Variants in SUPT6H observed in about 807,000 individuals in gnomAD.
The protein encoded by SUPT6H is transcription elongation factor SPT6.
In SUPT6H, 11 loss-of-function variants were observed where a neutral mutation model predicts 222.3. The observed-to-expected ratio is 0.05, with a 90% CI of 0.03 to 0.08. SUPT6H has a LOEUF of 0.08. SUPT6H is among the 10% of genes least tolerant of loss of function. SUPT6H has a pLI of 1.00. For synonymous variants in SUPT6H, 762 were observed against 801.2 expected (o/e 0.95, Z 0.83); for missense variants, 1,422 against 2,216.0 (o/e 0.64, Z 7.19).
At chr17:28,665,041 C>G (rs747314855) in intron 1 of SUPT6H, among the ~76,000 whole-genome samples, 8 of 152,210 alleles carry the variant, frequency 5.3e-5, no homozygotes, top group Non-Finnish European at 1.2e-4. Flanking sequence ...AGATCTTCCT[C>G]CAGTTCATTT....
Position 28,684,898 on chromosome 17 carries a change from C to G in SUPT6H, c.2424C>G (p.Phe808Leu). 1 of 1,614,188 alleles carries G rather than the reference C, an allele frequency of 6.2e-7. No individual in the cohort carries two copies. The highest frequency in any genetic ancestry group is 1.3e-5 in the African/African-American group (1 of 75,054). The change falls in exon 19 of 37, where the codon TTC becomes TTG. Residue 808 changes from phenylalanine to leucine, a missense_variant. Physicochemically the swap from Phe to Leu is conservative, Grantham distance 22 (BLOSUM62 0). Around this residue, in one of 13 missense-constraint regions of SUPT6H, gnomAD observed 294 missense variants for 382.1 expected, o/e 0.77. Transcript: ENST00000314616. ...LVNGEGEVTD[F>L]LRLPHFTKRR... ...ATGGTGAAGGAGAAGTGACAGACTT[C>G]CTTCGACTGCCCCATTTTACCAAAC...
At chr17:28,671,332 G>T (rs1436108109) in intron 1 of SUPT6H, 2 of 152,202 alleles carry the variant, frequency 1.3e-5, no homozygotes, top group East Asian at 1.9e-4. Flanking sequence ...TAGCTTTTCT[G>T]GTGCAGAATC....
chr17:28,680,643 GTTTTGTTTTTGT>G (rs951422971), intron 11 of SUPT6H, among the ~76,000 whole-genome samples: 3 of 151,880 alleles, frequency 2.0e-5, no homozygotes, highest in Non-Finnish European at 2.9e-5. Flanking sequence ...ATGTGTCTTG[GTTTTGTTTTTGT>G]TTTTGTTTTT....
intron 36 of SUPT6H, 102 bp from the exon 37 acceptor site, chr17:28,701,337 T>A (rs953129780): frequency 2.7e-6 from 4 of 1,468,812 alleles, no homozygotes; most frequent in Non-Finnish European, 3.7e-6. Context: ...GTAGAGGGGC[T>A]GCTGCCCATA....
rs1249150567 is a variant in SUPT6H at position 28,701,943 on chromosome 17, A to G, written c.*318A>G. On this transcript the variant is annotated 3_prime_UTR_variant, in exon 37 of 37. Coordinates refer to ENST00000314616, the MANE Select transcript of SUPT6H (RefSeq NM_003170.5). ...TTTTGTATTCTACTCCCTACAAGCC[A>G]TTTTGAACTTCTGCCCTCACCGGAC... is the stretch of plus-strand genomic sequence containing the variant. The G allele has an allele frequency of 3.3e-6, 1 of 299,752 alleles. No individual in the cohort carries two copies. Among genetic ancestry groups the G allele is most frequent in the Non-Finnish European group, 6.3e-6 (1 of 159,650 alleles). 18.6% of individuals were successfully genotyped at this position (299,752 alleles called of 1,614,324 possible). A position where few individuals can be genotyped will look rare whatever the true frequency, so the allele number is the denominator to read the frequency against.
Position 28,700,815 on chromosome 17 carries a change from A to G in SUPT6H, c.4807-126A>G, listed in dbSNP as rs1211200078. On this transcript the variant is annotated intron_variant, in intron 35 of 36. Coordinates refer to ENST00000314616, the MANE Select transcript of SUPT6H (RefSeq NM_003170.5). Reference sequence around the variant, plus strand: ...TGCAGGCTTCCCACTGCTGGTCAGAAGCACATACTCAGTGGAAGATCATCT... The same window carrying G: ...TGCAGGCTTCCCACTGCTGGTCAGAGGCACATACTCAGTGGAAGATCATCT... The G allele has an allele frequency of 1.2e-5, 14 of 1,212,700 alleles. No homozygotes were observed. The East Asian group carries it at 3.3e-4, about 29-fold the overall frequency. 75.1% of individuals were successfully genotyped at this position (1,212,700 alleles called of 1,614,324 possible).
chr17:28,690,327 G>A (rs2031582431), intron 26 of SUPT6H, 98 bp downstream of exon 26: 5 of 1,460,756 alleles, frequency 3.4e-6, no homozygotes, highest in Admixed American at 4.0e-5. Flanking sequence ...GCAGGTTTGT[G>A]TTGTACATGG....
In SUPT6H at chr17:28,686,335, C is replaced by T. The variant is rs1567697579; in HGVS notation, c.2488-4C>T. Reference sequence around the variant, plus strand: ...CATTCAGCTTCAATTTTCTTTCAATCCAGGCTCAAGACATTGAAACGCTAA... The same window carrying T: ...CATTCAGCTTCAATTTTCTTTCAATTCAGGCTCAAGACATTGAAACGCTAA... On this transcript the variant is annotated splice_polypyrimidine_tract_variant and splice_region_variant and intron_variant, in intron 19 of 36. Coordinates refer to ENST00000314616, the MANE Select transcript of SUPT6H (RefSeq NM_003170.5). 5 of 1,613,898 alleles carry T rather than the reference C, an allele frequency of 3.1e-6. No individual in the cohort carries two copies. The highest frequency in any genetic ancestry group is 4.2e-6 in the Non-Finnish European group (5 of 1,179,836).
Position 28,684,666 on chromosome 17 carries a change from T to C in SUPT6H, c.2310T>C (p.Phe770=), listed in dbSNP as rs772382616. The C allele has an allele frequency of 3.7e-6, 6 of 1,614,198 alleles. No individual in the cohort carries two copies. The South Asian group carries it at 4.4e-5, about 12-fold the overall frequency. ...AGCAGGTGGAAGAAGATGACGACTT[T>C]ATGGACGAGAACCAAGGGAAGGGCA... ...PDQQVEEDDD[F]MDENQGKGIR... is the part of the protein sequence containing the mutation. Residue 770 remains phenylalanine (F), a synonymous_variant, in exon 18 of 37, where the codon TTT becomes TTC. Transcript: ENST00000314616.
intron 27 of SUPT6H, among the ~76,000 whole-genome samples, chr17:28,692,018 C>T (rs2031677888): frequency 6.6e-6 from 1 of 151,536 alleles, no homozygotes. Context: ...ACCCCATCTC[C>T]TTTTTTAAAA....
chr17:28,677,004 G>A (rs1184552335), intron 7 of SUPT6H, among the ~76,000 whole-genome samples: 1 of 151,772 alleles, frequency 6.6e-6, no homozygotes, highest in Non-Finnish European at 1.5e-5. Context: ...CAAGGTGGGT[G>A]GATCACCTGA....
At position 28,688,493 on chromosome 17, in the gene SUPT6H, A is replaced by T. The variant is rs1308451989; in HGVS notation, c.3134+275A>T. 1 of 251,806 alleles carries T rather than the reference A, an allele frequency of 4.0e-6. No homozygotes were observed. The highest frequency in any genetic ancestry group is 7.4e-6 in the Non-Finnish European group (1 of 134,334). The allele number at this position is 251,806 out of a possible 1,614,324, so 15.6% of individuals were successfully genotyped here. A position where few individuals can be genotyped will look rare whatever the true frequency, so the allele number is the denominator to read the frequency against. ...ACACAAGATTTTGTTCAGTAAACAC[A>T]AACTTGCTTTTTTATTATTATGGTT... On this transcript the variant is annotated intron_variant, in intron 24 of 36. Coordinates refer to ENST00000314616, the MANE Select transcript of SUPT6H (RefSeq NM_003170.5). This position sits in a 1 kb window ranked among gnomAD's most constrained non-coding sequence, Gnocchi z 4.3.
In SUPT6H at chr17:28,684,745, TC is replaced by T. The variant is rs1173298007; in HGVS notation, c.2369+24del. 6.2e-7 allele frequency: 1 copy of T among 1,613,480 alleles called. No homozygotes were observed. Among genetic ancestry groups the T allele is most frequent in the Admixed American group, 1.7e-5 (1 of 59,998 alleles). ...TGCCAGGTAACAGCCTATTTTTGCCTCCCCAGCACCATCTCTTGTCTTCCTA... is the reference window on the plus strand; with the variant it reads ...TGCCAGGTAACAGCCTATTTTTGCCTCCCAGCACCATCTCTTGTCTTCCTA... On this transcript the variant is annotated intron_variant, in intron 18 of 36. Coordinates refer to ENST00000314616, the MANE Select transcript of SUPT6H (RefSeq NM_003170.5).
At chr17:28,675,220 C>A in intron 5 of SUPT6H, 58 bp downstream of exon 5, 1 of 1,549,066 alleles carries the variant, frequency 6.5e-7, no homozygotes, top group Non-Finnish European at 8.7e-7. Flanking sequence ...TTTCCTGGCC[C>A]ATGGGAACAG....
At position 28,688,162 on chromosome 17, in the gene SUPT6H, A is replaced by C. The variant is rs1298731811; in HGVS notation, c.3078A>C (p.Lys1026Asn). 6.2e-7 allele frequency: 1 copy of C among 1,613,974 alleles called. No individual in the cohort carries two copies. The highest frequency in any genetic ancestry group is 1.7e-5 in the Admixed American group (1 of 60,012). ...TCACCATGTGCCACATGGGTCCCAA[A>C]GTCTTCATGAATTGTGCTGGCTTCC... ...QLVTMCHMGP[K>N]VFMNCAGFLK... The change falls in exon 24 of 37, where the codon AAA (lysine) becomes AAC (asparagine). Residue 1026 changes from lysine to asparagine, a missense_variant. Around this residue, in one of 13 missense-constraint regions of SUPT6H, gnomAD observed 11 missense variants for 26.3 expected, o/e 0.42. Transcript: ENST00000314616. The surrounding 1 kb of genome is among the most constrained non-coding windows in gnomAD (Gnocchi z 4.3).
At position 28,678,858 on chromosome 17, in the gene SUPT6H, G is replaced by T. The variant is rs762812168; in HGVS notation, c.1244G>T (p.Arg415Leu). ...CGGATCCGTAAAGAGAACCTAACAC[G>T]GCTGTTTGAGAAGATGCAGGCTTAT... ...QLRIRKENLT[R>L]LFEKMQAYQY... Residue 415 changes from arginine to leucine, a missense_variant, in exon 11 of 37, where the codon CGG becomes CTG. Transcript: ENST00000314616. 1.2e-6 allele frequency: 2 copies of T among 1,614,066 alleles called. No individual in the cohort carries two copies. Among genetic ancestry groups the T allele is most frequent in the African/African-American group, 2.7e-5 (2 of 74,914 alleles).
intron 27 of SUPT6H, chr17:28,691,399 G>A (rs1354698170): frequency 6.1e-5 from 14 of 229,508 alleles, no homozygotes; most frequent in Non-Finnish European, 1.2e-4. Context: ...GGTGGCATAC[G>A]CCTGTAATCC....
chr17:28,674,910 AT>A (rs2030648871), intron 4 of SUPT6H, 59 bp from the exon 5 acceptor site: 26 of 1,560,758 alleles, frequency 1.7e-5, no homozygotes, highest in Non-Finnish European at 2.1e-5. Context: ...GAGACTGGAG[AT>A]TTGGTATCCG....
chr17:28,664,853 C>T (rs2151595484), intron 1 of SUPT6H, among the ~76,000 whole-genome samples: 1 of 152,316 alleles, frequency 6.6e-6, no homozygotes, highest in South Asian at 2.1e-4. Context: ...CTTTGTTCTT[C>T]TCCTTTACTA....
Sources: allele counts gnomAD v4.1 joint callset (sites outside exome capture counted in the v4.1 genomes callset), GRCh38; gene constraint gnomAD v4.1.1; regional missense constraint gnomAD v4.1.1; non-coding constraint Gnocchi (gnomAD v3.1); transcripts MANE v1.5; gene names NCBI Gene and HGNC (gene_info 2026-07-23, HGNC 2026-07-21).